FAM187B: variants seen among roughly 807,000 people sequenced by gnomAD.
The protein encoded by FAM187B is protein FAM187B.
FAM187B carries 22 observed loss-of-function variants against 22.6 expected under a neutral mutation model. The ratio of observed to expected loss-of-function variants is 0.97; its 90% confidence interval spans 0.70 to 1.39. The LOEUF is 1.39. Ranked by LOEUF, FAM187B falls within the 40% of genes most tolerant of loss-of-function variation. The pLI, the probability that FAM187B is intolerant of heterozygous loss-of-function variation, is 0.00. For synonymous variants in FAM187B, 192 were observed against 201.8 expected (o/e 0.95, Z 0.41); for missense variants, 433 against 462.1 (o/e 0.94, Z 0.58).
chr19:35,227,988 C>T lies in FAM187B; in HGVS notation c.693G>A (p.Trp231Ter), dbSNP rs35001809. ...ACATGGATCCTAAGGGACAGTCGAG[C>T]CACACAAATTCTGTCTTCTCATCGA... ...FRLDEKTEFV[W>*]LDCPLGSMYR... The change falls in exon 1 of 2, where the codon TGG becomes TGA. Residue 231 changes from tryptophan (W) to a stop codon, truncating the protein, a stop_gained. Transcript: ENST00000324675. LOFTEE classifies it low-confidence loss of function (END_TRUNC). 47,511 of 1,612,888 alleles carry T rather than the reference C, an allele frequency of 0.029. 873 individuals are homozygous for T. The highest frequency in any genetic ancestry group is 0.039 in the South Asian group (3,587 of 90,922).
At position 35,224,863 on chromosome 19, in the gene FAM187B, G is replaced by A; in HGVS notation, c.1072C>T (p.Pro358Ser). ...AGCACCTGTGTGCTTCTCCTGCCCG[G>A]GGAAGGGTGGATGCACTTGAGCAGC... ...GALLKCIHPSPGRRSTQVLVV... is the reference protein window; with the variant it reads ...GALLKCIHPSSGRRSTQVLVV... The change falls in exon 2 of 2, where the codon CCG (proline) becomes TCG (serine). Residue 358 changes from proline to serine, a missense_variant. Pro to Ser is a moderately conservative substitution (Grantham distance 74). Transcript: ENST00000324675. 3 of 1,613,426 alleles carry A rather than the reference G, an allele frequency of 1.9e-6. No homozygotes were observed. The highest frequency in any genetic ancestry group is 2.5e-6 in the Non-Finnish European group (3 of 1,179,684).
In FAM187B at chr19:35,228,278, A is replaced by G. The variant is rs2065668131; in HGVS notation, c.403T>C (p.Leu135=). 1.2e-6 allele frequency: 2 copies of G among 1,614,150 alleles called. No homozygotes were observed. Among genetic ancestry groups the G allele is most frequent in the East Asian group, 2.2e-5 (1 of 44,872 alleles). ...GTAAAAATGAGCTGTTTGCTGCCCAAATGCAGGGTCTCGTTCTGCAGGGGC... is the reference window on the plus strand; with the variant it reads ...GTAAAAATGAGCTGTTTGCTGCCCAGATGCAGGGTCTCGTTCTGCAGGGGC... ...QRPLQNETLH[L]GSKQLIFTWW... is the part of the protein sequence containing the mutation. The change falls in exon 1 of 2, where the codon TTG becomes CTG. Residue 135 remains leucine (L), a synonymous_variant. Transcript: ENST00000324675.
At position 35,225,024 on chromosome 19, in the gene FAM187B, G is replaced by A. The variant is rs547902854; in HGVS notation, c.911C>T (p.Thr304Met). ...AQFKPAASLETLEAQWRENDA... is the reference protein window; with the variant it reads ...AQFKPAASLEMLEAQWRENDA... ...GTTCTCTCTCCACTGAGCCTCCAGC[G>A]TCTCCAGACTGGCGGCGGGTTTGAA... Residue 304 changes from threonine to methionine, a missense_variant, in exon 2 of 2, where the codon ACG (threonine) becomes ATG (methionine). Coordinates refer to ENST00000324675, the MANE Select transcript of FAM187B (RefSeq NM_152481.2). 69 of 1,613,630 alleles carry A rather than the reference G, an allele frequency of 4.3e-5. No homozygotes were observed. The highest frequency in any genetic ancestry group is 1.8e-4 in the South Asian group (16 of 91,048).
rs565329760 is a variant in FAM187B at position 35,227,946 on chromosome 19, G to C, written c.722+13C>G. ...AGAATCTGGGTAGGGGCCAGAGGCA[G>C]GGATTCCATCACCTGTACATGGATC... On this transcript the variant is annotated intron_variant, in intron 1 of 1. Transcript: ENST00000324675. 6.3e-7 allele frequency: 1 copy of C among 1,589,972 alleles called. No individual in the cohort carries two copies. Among genetic ancestry groups the C allele is most frequent in the South Asian group, 1.1e-5 (1 of 87,470 alleles).
chr19:35,225,071 C>A lies in FAM187B; in HGVS notation c.864G>T (p.Val288=). 6.2e-7 allele frequency: 1 copy of A among 1,612,574 alleles called. No individual in the cohort carries two copies. Among genetic ancestry groups the A allele is most frequent in the Non-Finnish European group, 8.5e-7 (1 of 1,179,236 alleles). ...TGAACTGGGCCACGAGCTCCTGCTGCACGAAGCACTTGTAGACGGCCGGCT... is the reference window on the plus strand; with the variant it reads ...TGAACTGGGCCACGAGCTCCTGCTGAACGAAGCACTTGTAGACGGCCGGCT... The part of the protein sequence containing the change: ...VFQPAVYKCF[V]QQELVAQFKP... Residue 288 remains valine, a synonymous_variant, in exon 2 of 2, where the codon GTG becomes GTT. Coordinates refer to ENST00000324675, the MANE Select transcript of FAM187B (RefSeq NM_152481.2).
chr19:35,227,977 G>A lies in FAM187B; in HGVS notation c.704C>T (p.Pro235Leu). The change falls in exon 1 of 2, where the codon CCC becomes CTC. Residue 235 changes from proline to leucine, a missense_variant. Physicochemically the swap from Pro to Leu is moderately conservative, Grantham distance 98. Coordinates refer to ENST00000324675, the MANE Select transcript of FAM187B (RefSeq NM_152481.2). ...CCATCACCTGTACATGGATCCTAAGGGACAGTCGAGCCACACAAATTCTGT... is the reference window on the plus strand; with the variant it reads ...CCATCACCTGTACATGGATCCTAAGAGACAGTCGAGCCACACAAATTCTGT... ...EKTEFVWLDC[P>L]LGSMYRPVNW... The A allele has an allele frequency of 1.2e-6, 2 of 1,611,556 alleles. No homozygotes were observed. Among genetic ancestry groups the A allele is most frequent in the Non-Finnish European group, 1.7e-6 (2 of 1,178,490 alleles).
chr19:35,228,525 G>C lies in FAM187B; in HGVS notation c.156C>G (p.Tyr52Ter), dbSNP rs1381208609. ...CCTTCTTGCCTTGTGTGAATAAATA[G>C]TACCAGTGCGCCCCCGAGGAGTTGC... is the stretch of plus-strand genomic sequence containing the variant. ...LYCNSSGAHW[Y>*]YLFTQGKKGR... is the part of the protein sequence containing the mutation. Residue 52 changes from tyrosine (Y) to a stop codon, truncating the protein, a stop_gained, in exon 1 of 2, where the codon TAC (tyrosine) becomes TAG (stop). Coordinates refer to ENST00000324675, the MANE Select transcript of FAM187B (RefSeq NM_152481.2). LOFTEE classifies it high-confidence loss of function. 6 of 1,614,172 alleles carry C rather than the reference G, an allele frequency of 3.7e-6. No homozygotes were observed. In the Admixed American group the frequency reaches 8.3e-5, roughly 22 times the overall value.
At chr19:35,227,212 G>T (rs891284329) in intron 1 of FAM187B, among the ~76,000 whole-genome samples, 11 of 151,848 alleles carry the variant, frequency 7.2e-5, no homozygotes, top group African/African-American at 1.5e-4. Context: ...GATTTCTGGG[G>T]TTTTTTTGTT....
In FAM187B at chr19:35,224,991, T is replaced by A; in HGVS notation, c.944A>T (p.Gln315Leu). 6.2e-7 allele frequency: 1 copy of A among 1,613,900 alleles called. No individual in the cohort carries two copies. Among genetic ancestry groups the A allele is most frequent in the Non-Finnish European group, 8.5e-7 (1 of 1,179,974 alleles). ...CAGGGCCTTCCTTGCCTCCCGCCAC[T>A]GGGCATCGTTCTCTCTCCACTGAGC... ...LEAQWRENDAQWREARKALRG... is the reference protein window; with the variant it reads ...LEAQWRENDALWREARKALRG... The change falls in exon 2 of 2, where the codon CAG becomes CTG. Residue 315 changes from glutamine to leucine, a missense_variant. By Grantham distance (113) the Gln-to-Leu change is moderately radical. Coordinates refer to ENST00000324675, the MANE Select transcript of FAM187B (RefSeq NM_152481.2).
intron 1 of FAM187B, 151 bp from the exon 2 acceptor site, chr19:35,225,363 A>C (rs2065658729): frequency 1.0e-6 from 1 of 968,106 alleles, no homozygotes; most frequent in African/African-American, 1.7e-5. Flanking sequence ...TGGAGGAGGC[A>C]CAGCTGGGGG....
rs1233717884 is a variant in FAM187B at position 35,228,270 on chromosome 19, G to A, written c.411C>T (p.Ser137=). 1 of 1,614,202 alleles carries A rather than the reference G, an allele frequency of 6.2e-7. No homozygotes were observed. The highest frequency in any genetic ancestry group is 1.7e-5 in the Admixed American group (1 of 60,032). The change falls in exon 1 of 2, where the codon AGC becomes AGT. Residue 137 remains serine (S), a synonymous_variant. Coordinates refer to ENST00000324675, the MANE Select transcript of FAM187B (RefSeq NM_152481.2). Reference sequence around the variant, plus strand: ...CCCACCAGGTAAAAATGAGCTGTTTGCTGCCCAAATGCAGGGTCTCGTTCT... The same window carrying A: ...CCCACCAGGTAAAAATGAGCTGTTTACTGCCCAAATGCAGGGTCTCGTTCT... ...PLQNETLHLG[S]KQLIFTWWEP...
chr19:35,226,241 A>T (rs948244332), intron 1 of FAM187B, among the ~76,000 whole-genome samples: 2 of 152,132 alleles, frequency 1.3e-5, no homozygotes, highest in African/African-American at 4.8e-5. Context: ...ATGTGGGAGG[A>T]TCACTTGAGC....
In FAM187B at chr19:35,224,999, G is replaced by A. The variant is rs771378583; in HGVS notation, c.936C>T (p.Asn312=). The change falls in exon 2 of 2, where the codon AAC becomes AAT. Residue 312 remains asparagine, a synonymous_variant. Coordinates refer to ENST00000324675, the MANE Select transcript of FAM187B (RefSeq NM_152481.2). ...TCCTTGCCTCCCGCCACTGGGCATC[G>A]TTCTCTCTCCACTGAGCCTCCAGCG... The part of the protein sequence containing the change: ...LETLEAQWRE[N]DAQWREARKA... 2.0e-5 allele frequency: 33 copies of A among 1,613,712 alleles called. No homozygotes were observed. The highest frequency in any genetic ancestry group is 2.5e-5 in the Non-Finnish European group (30 of 1,179,974).
Position 35,228,009 on chromosome 19 carries a change from A to T in FAM187B, c.672T>A (p.Asp224Glu), listed in dbSNP as rs768675733. 2.0e-5 allele frequency: 32 copies of T among 1,613,950 alleles called. No individual in the cohort carries two copies. Among genetic ancestry groups the T allele is most frequent in the Non-Finnish European group, 2.6e-5 (31 of 1,179,910 alleles). ...CGAGCCACACAAATTCTGTCTTCTCATCGAGCCTGAAGTTGTCAAAAATGA... is the reference window on the plus strand; with the variant it reads ...CGAGCCACACAAATTCTGTCTTCTCTTCGAGCCTGAAGTTGTCAAAAATGA... ...DYVIFDNFRL[D>E]EKTEFVWLDC... Residue 224 changes from aspartate (D) to glutamate (E), a missense_variant, in exon 1 of 2, where the codon GAT (aspartate) becomes GAA (glutamate). By Grantham distance (45) the Asp-to-Glu change is conservative. Coordinates refer to ENST00000324675, the MANE Select transcript of FAM187B (RefSeq NM_152481.2).
chr19:35,226,097 C>A (rs902380707), intron 1 of FAM187B, among the ~76,000 whole-genome samples: 2 of 152,162 alleles, frequency 1.3e-5, no homozygotes, highest in Admixed American at 6.6e-5. Flanking sequence ...CTCAGAGGAG[C>A]CTTCCCTGAC....
At chr19:35,227,789 C>A (rs2065665894) in intron 1 of FAM187B, among the ~76,000 whole-genome samples, 170 bp downstream of exon 1, 1 of 152,238 alleles carries the variant, frequency 6.6e-6, no homozygotes, top group Non-Finnish European at 1.5e-5. Flanking sequence ...TCGCACCACC[C>A]TGGGCTGTGT....
intron 1 of FAM187B, among the ~76,000 whole-genome samples, chr19:35,226,213 C>A (rs1443748275): frequency 6.6e-6 from 1 of 151,538 alleles, no homozygotes; most frequent in Non-Finnish European, 1.5e-5. Context: ...TTTGTAATCC[C>A]AGCACTTTGG....
chr19:35,228,430 T>C lies in FAM187B; in HGVS notation c.251A>G (p.Asp84Gly). 3.1e-6 allele frequency: 5 copies of C among 1,614,164 alleles called. No homozygotes were observed. The highest frequency in any genetic ancestry group is 4.2e-6 in the Non-Finnish European group (5 of 1,180,038). The change falls in exon 1 of 2, where the codon GAT becomes GGT. Residue 84 changes from aspartate (D) to glycine (G), a missense_variant. Transcript: ENST00000324675. ...GAGGCCCGTCTGGGAGGGCAATGGA[T>C]CTTTAATGAGAAGGCTGCCCTCGGG... Reference protein sequence around the residue: ...IMPEGSLLIKDPLPSQTGLYH... With the variant: ...IMPEGSLLIKGPLPSQTGLYH...
At chr19:35,227,598 TAAG>T (rs2065665350) in intron 1 of FAM187B, among the ~76,000 whole-genome samples, 1 of 152,082 alleles carries the variant, frequency 6.6e-6, no homozygotes, top group Admixed American at 6.5e-5. Context: ...TGGCAGGAAG[TAAG>T]AAGATGAGTG....
Sources: allele counts gnomAD v4.1 joint callset (sites outside exome capture counted in the v4.1 genomes callset), GRCh38; gene constraint gnomAD v4.1.1; transcripts MANE v1.5; gene names NCBI Gene and HGNC (gene_info 2026-07-23, HGNC 2026-07-21).